The following CNNM4 variants were observed in gnomAD, a reference collection of about 807,000 sequenced individuals.
CNNM4 encodes metal transporter CNNM4.
CNNM4 carries 32 observed loss-of-function variants against 53.7 expected under a neutral mutation model. The ratio of observed to expected loss-of-function variants is 0.60; its 90% CI spans 0.45 to 0.80. The LOEUF is 0.80. Among genes scored for constraint, CNNM4 ranks in the 30% least tolerant of loss-of-function variants. The probability of loss-of-function intolerance (pLI) is 0.00; values close to 1 mark genes in which losing one functional copy is unlikely to be tolerated. For synonymous variants in CNNM4, 410 were observed against 440.0 expected (o/e 0.93, Z 0.85); for missense variants, 784 against 1,022.0 (o/e 0.77, Z 3.17).
Position 96,797,776 on chromosome 2 carries a change from AC to A in CNNM4, c.1681+133del, listed in dbSNP as rs2079118117. 6 of 1,302,058 alleles carry A rather than the reference AC, an allele frequency of 4.6e-6. No individual in the cohort carries two copies. The highest frequency in any genetic ancestry group is 6.4e-6 in the Non-Finnish European group (6 of 932,352). The allele number at this position is 1,302,058 out of a possible 1,614,324, so 80.7% of individuals were successfully genotyped here. A position where few individuals can be genotyped will look rare whatever the true frequency, so the allele number is the denominator to read the frequency against. ...TGAGGGGTGCAGAGACAACACAGCC[AC>A]CCCTGGAAGGGGCCGGGTATCTGCT... On this transcript the variant is annotated intron_variant, in intron 3 of 6. Coordinates refer to ENST00000377075, the MANE Select transcript of CNNM4 (RefSeq NM_020184.4). This position sits in a 1 kb window ranked among gnomAD's most constrained non-coding sequence, Gnocchi z 6.0.
At chr2:96,804,147 A>G (rs1558996915) in intron 5 of CNNM4, among the ~76,000 whole-genome samples, 2 of 151,596 alleles carry the variant, frequency 1.3e-5, no homozygotes, top group South Asian at 2.1e-4. Context: ...CCCCCACCTC[A>G]GCCTCTCAAA....
intron 5 of CNNM4, among the ~76,000 whole-genome samples, chr2:96,804,621 T>G (rs2079186424): frequency 6.6e-6 from 1 of 151,976 alleles, no homozygotes; most frequent in Admixed American, 6.6e-5. Flanking sequence ...CAGGCTGGTC[T>G]TGAACTCCTG....
chr2:96,793,663 A>C (rs567114386), intron 1 of CNNM4, among the ~76,000 whole-genome samples: 1 of 152,200 alleles, frequency 6.6e-6, no homozygotes, highest in Admixed American at 6.5e-5. Flanking sequence ...GGCTGTTTCC[A>C]CTATAAGAGA....
intron 1 of CNNM4, among the ~76,000 whole-genome samples, chr2:96,768,352 G>A (rs557233611): frequency 3.3e-5 from 5 of 150,410 alleles, no homozygotes; most frequent in African/African-American, 1.2e-4. Flanking sequence ...AGGCTGTTGG[G>A]AATCAGAGAT....
rs1164279743 is a variant in CNNM4 at position 96,797,331 on chromosome 2, C to G, written c.1546+176C>G. Reference sequence around the variant, plus strand: ...AGGGAGCAGGTTGCTGAGAGCAGTGCCCGGAGGCTGCCTTCACCCTCGGCC... The same window carrying G: ...AGGGAGCAGGTTGCTGAGAGCAGTGGCCGGAGGCTGCCTTCACCCTCGGCC... On this transcript the variant is annotated intron_variant, in intron 2 of 6. Transcript: ENST00000377075. The surrounding 1 kb of genome is among the most constrained non-coding windows in gnomAD (Gnocchi z 6.0). Among the ~76,000 whole-genome samples, 18 of 152,234 alleles carry G rather than the reference C, an allele frequency of 1.2e-4. 1 individual carries two copies. The highest frequency in any genetic ancestry group is 1.2e-3 in the Admixed American group (18 of 15,286).
intron 6 of CNNM4, among the ~76,000 whole-genome samples, chr2:96,809,006 T>G (rs1379910500): frequency 1.3e-5 from 2 of 151,258 alleles, no homozygotes; most frequent in African/African-American, 4.9e-5. Flanking sequence ...CTTCGGGTTT[T>G]TTTTTTTTTT....
At chr2:96,793,567 C>T (rs940278892) in intron 1 of CNNM4, among the ~76,000 whole-genome samples, 32 of 152,332 alleles carry the variant, frequency 2.1e-4, no homozygotes, top group East Asian at 1.9e-3. Flanking sequence ...CAGTGGATCC[C>T]GCCAAGGGGT....
intron 1 of CNNM4, among the ~76,000 whole-genome samples, chr2:96,777,327 G>T (rs1217277338): frequency 6.6e-6 from 1 of 152,106 alleles, no homozygotes; most frequent in South Asian, 2.1e-4. Flanking sequence ...CCTGTTGCCT[G>T]TTTTCTAGGA....
chr2:96,801,033 C>T lies in CNNM4; in HGVS notation c.1948+1385C>T. The T allele has an allele frequency of 1.0e-6, 1 of 962,034 alleles. No homozygotes were observed. The highest frequency in any genetic ancestry group is 4.8e-5 in the South Asian group (1 of 20,836). 59.6% of individuals were successfully genotyped at this position (962,034 alleles called of 1,614,324 possible). The stretch of plus-strand genomic sequence containing the variant: ...GTGCCTGTGGTTCCGTGTCCTGTCT[C>T]CTGACTGCGCCCATCACTGACCTTC... On this transcript the variant is annotated intron_variant, in intron 5 of 6. Coordinates refer to ENST00000377075, the MANE Select transcript of CNNM4 (RefSeq NM_020184.4). The surrounding 1 kb of genome is among the most constrained non-coding windows in gnomAD (Gnocchi z 5.6).
intron 1 of CNNM4, among the ~76,000 whole-genome samples, chr2:96,770,981 C>T (rs781760808): frequency 7.0e-4 from 106 of 152,216 alleles, no homozygotes; most frequent in Non-Finnish European, 1.1e-3. Context: ...ATTCTTGGAA[C>T]TCCTTAGCAG....
chr2:96,762,629 T>TA (rs2078776232), intron 1 of CNNM4, among the ~76,000 whole-genome samples: 1 of 152,042 alleles, frequency 6.6e-6, no homozygotes, highest in African/African-American at 2.4e-5. Context: ...CAAAGCTGAA[T>TA]AAGACATACT....
chr2:96,795,037 G>A lies in CNNM4; in HGVS notation c.1403-1975G>A, dbSNP rs117437463. On this transcript the variant is annotated intron_variant, in intron 1 of 6. Coordinates refer to ENST00000377075, the MANE Select transcript of CNNM4 (RefSeq NM_020184.4). ...ATTTTCAGATTTGGGATGCCCAATG[G>A]CGTGTATTCTGCAAATATTCCAAAA... Among the ~76,000 whole-genome samples, 237 of 152,382 alleles carry A rather than the reference G, an allele frequency of 1.6e-3. 4 individuals carry two copies. Among genetic ancestry groups the A allele is most frequent in the East Asian group, 0.012 (60 of 5,192 alleles).
chr2:96,763,631 G>C (rs2153342484), intron 1 of CNNM4, among the ~76,000 whole-genome samples: 1 of 152,304 alleles, frequency 6.6e-6, no homozygotes, highest in African/African-American at 2.4e-5. Flanking sequence ...TTTCTGTAAC[G>C]GAGAGTGGAG....
intron 1 of CNNM4, among the ~76,000 whole-genome samples, chr2:96,796,131 CTTTTTTTTTTT>C (rs796494842): frequency 8.7e-4 from 44 of 50,686 alleles, no homozygotes; most frequent in African/African-American, 1.7e-3. Flanking sequence ...CAGACAGGGT[CTTTTTTTTTTT>C]TTTTTTTTTT....
In CNNM4 at chr2:96,801,594, C is replaced by G. The variant is rs993614184; in HGVS notation, c.1948+1946C>G. 7.1e-6 allele frequency among the ~76,000 whole-genome samples: 1 copy of G among 140,492 alleles called. No individual in the cohort carries two copies. The highest frequency in any genetic ancestry group is 2.7e-5 in the African/African-American group (1 of 36,762). The allele number at this position is 140,492 out of a possible 152,430, so 92.2% of individuals were successfully genotyped here. ...CAGAGATAGCACACACACAGAGAGA[C>G]CACACACACAGAGACCACACACAGA... On this transcript the variant is annotated intron_variant, in intron 5 of 6. Coordinates refer to ENST00000377075, the MANE Select transcript of CNNM4 (RefSeq NM_020184.4). The surrounding 1 kb of genome is among the most constrained non-coding windows in gnomAD (Gnocchi z 5.6).
chr2:96,807,489 A>G (rs551483905), intron 5 of CNNM4, among the ~76,000 whole-genome samples: 27 of 152,212 alleles, frequency 1.8e-4, no homozygotes, highest in Admixed American at 3.3e-4. Context: ...TTAGCTAGGC[A>G]TGGTGGAATG....
At chr2:96,767,243 C>T (rs2078826947) in intron 1 of CNNM4, among the ~76,000 whole-genome samples, 1 of 152,192 alleles carries the variant, frequency 6.6e-6, no homozygotes, top group Admixed American at 6.5e-5. Context: ...ATGCTGCGTG[C>T]AAGACGTGAT....
chr2:96,770,723 G>A (rs1453857420), intron 1 of CNNM4, among the ~76,000 whole-genome samples: 2 of 152,210 alleles, frequency 1.3e-5, no homozygotes, highest in Non-Finnish European at 2.9e-5. Context: ...AAGGAAGCCT[G>A]GCCCCTCTGA....
chr2:96,799,992 G>A (rs2079144482), intron 5 of CNNM4, among the ~76,000 whole-genome samples: 1 of 152,208 alleles, frequency 6.6e-6, no homozygotes, highest in African/African-American at 2.4e-5. Flanking sequence ...CTGCTCCTGA[G>A]GACAGGAGGG....
Sources: gnomAD v4.1 joint callset for allele counts (sites outside exome capture counted in the v4.1 genomes callset) on GRCh38, gnomAD v4.1.1 for gene constraint, Gnocchi (gnomAD v3.1) non-coding constraint, MANE v1.5 for transcripts, NCBI Gene and HGNC (gene_info 2026-07-23, HGNC 2026-07-21) for gene names.